The following FAF1 variants were observed in gnomAD, a reference collection of about 807,000 sequenced individuals.
FAF1 encodes Fas associated factor 1.
In FAF1, 25 loss-of-function variants were observed where a neutral mutation model predicts 92.5. The ratio of observed to expected loss-of-function variants is 0.27; its 90% CI spans 0.20 to 0.38. The LOEUF (loss-of-function observed/expected upper bound fraction) is 0.38. Among genes scored for constraint, FAF1 ranks in the 10% least tolerant of loss-of-function variants. FAF1 has a pLI of 1.00. For synonymous variants in FAF1, 234 were observed against 273.2 expected (o/e 0.86, Z 1.42); for missense variants, 636 against 793.3 (o/e 0.80, Z 2.38).
In FAF1 at chr1:50,909,120, T is replaced by C. The variant is rs895333964; in HGVS notation, c.45+50647A>G. On this transcript the variant is annotated intron_variant, in intron 1 of 18. Transcript: ENST00000396153. Reference sequence around the variant, plus strand: ...GCTTGTCTGTAAGGGATTTTATTTCTCCTACACTTATGAAGCTTAGTTTGG... The same window carrying C: ...GCTTGTCTGTAAGGGATTTTATTTCCCCTACACTTATGAAGCTTAGTTTGG... 6.6e-5 allele frequency among the ~76,000 whole-genome samples: 10 copies of C among 152,340 alleles called. No homozygotes were observed. In the East Asian group the frequency reaches 1.5e-3, roughly 24 times the overall value.
At chr1:50,783,695 G>A (rs1353955926) in intron 4 of FAF1, among the ~76,000 whole-genome samples, 5 of 152,008 alleles carry the variant, frequency 3.3e-5, no homozygotes, top group East Asian at 3.9e-4. Context: ...CCAACATGAC[G>A]AAACCCCATC....
At chr1:50,883,505 A>G (rs2124691060) in intron 1 of FAF1, among the ~76,000 whole-genome samples, 1 of 152,324 alleles carries the variant, frequency 6.6e-6, no homozygotes, top group South Asian at 2.1e-4. Context: ...TCAAGCCTCT[A>G]GACTTAAAGG....
intron 8 of FAF1, among the ~76,000 whole-genome samples, chr1:50,605,357 C>T (rs1311869555): frequency 6.6e-6 from 1 of 152,144 alleles, no homozygotes; most frequent in Non-Finnish European, 1.5e-5. Flanking sequence ...TTCTGAAGAG[C>T]ATTAAGTTAC....
At chr1:50,512,825 C>G (rs1198090415) in intron 15 of FAF1, among the ~76,000 whole-genome samples, 1 of 152,226 alleles carries the variant, frequency 6.6e-6, no homozygotes, top group Non-Finnish European at 1.5e-5. Flanking sequence ...TTACTTTGGG[C>G]AGTATGGCCA....
chr1:50,581,835 A>AT (rs1650998071), intron 12 of FAF1, among the ~76,000 whole-genome samples: 1 of 152,164 alleles, frequency 6.6e-6, no homozygotes, highest in Admixed American at 6.5e-5. Context: ...TGCCAGATTT[A>AT]TTTATTAAGT....
intron 13 of FAF1, 47 bp downstream of exon 13, chr1:50,567,030 T>C (rs1650206744): frequency 1.4e-6 from 2 of 1,410,596 alleles, no homozygotes; most frequent in South Asian, 1.6e-5. Flanking sequence ...ACAATGATTT[T>C]TTTTTTAATA....
chr1:50,655,041 G>T (rs1403895382), intron 8 of FAF1, among the ~76,000 whole-genome samples: 1 of 151,374 alleles, frequency 6.6e-6, no homozygotes, highest in East Asian at 1.9e-4. Context: ...CGCAATCTCG[G>T]CTCACTGCAA....
chr1:50,540,418 T>A (rs1441311343), intron 13 of FAF1, among the ~76,000 whole-genome samples: 1 of 152,174 alleles, frequency 6.6e-6, no homozygotes, highest in Middle Eastern at 3.2e-3. Context: ...AAAAACAGAA[T>A]TTAGCAACGT....
chr1:50,519,415 A>AGAAG (rs144253773), intron 15 of FAF1, among the ~76,000 whole-genome samples: 1,191 of 90,204 alleles, frequency 0.013, 30 homozygotes, highest in African/African-American at 0.049. Context: ...AGGGAGGGAG[A>AGAAG]GAAGGAAGGA....
At chr1:50,642,353 T>C in intron 8 of FAF1, among the ~76,000 whole-genome samples, 1 of 152,092 alleles carries the variant, frequency 6.6e-6, no homozygotes, top group East Asian at 1.9e-4. Context: ...TGTTCTCATT[T>C]AAAATATAAT....
intron 15 of FAF1, among the ~76,000 whole-genome samples, chr1:50,512,939 G>C (rs1169420258): frequency 6.6e-6 from 1 of 152,112 alleles, no homozygotes; most frequent in African/African-American, 2.4e-5. Context: ...GTCCATAAGT[G>C]CTTAGTCTGC....
At chr1:50,562,908 A>G (rs1195366436) in intron 13 of FAF1, among the ~76,000 whole-genome samples, 1 of 152,262 alleles carries the variant, frequency 6.6e-6, no homozygotes, top group Admixed American at 6.5e-5. Flanking sequence ...TATCAAAAAT[A>G]TTCAGAAAAA....
chr1:50,833,902 C>T (rs113582845), intron 2 of FAF1, among the ~76,000 whole-genome samples: 2,127 of 152,292 alleles, frequency 0.014, 47 homozygotes, highest in African/African-American at 0.047. Flanking sequence ...ACATTCCAGG[C>T]GCTCATGAAA....
Position 50,751,333 on chromosome 1 carries a change from TTTGA to T in FAF1, c.368-6562_368-6559del, listed in dbSNP as rs1241589790. 4.6e-5 allele frequency among the ~76,000 whole-genome samples: 7 copies of T among 151,966 alleles called. No individual in the cohort carries two copies. The East Asian group carries it at 5.8e-4, about 13-fold the overall frequency. On this transcript the variant is annotated intron_variant, in intron 4 of 18. Transcript: ENST00000396153. ...CAGCACTATTCAGCATTTCTATTTG[TTTGA>T]TTGTTTGTTTGTTTTGAGATGGAGT...
chr1:50,799,696 C>A (rs72902772), intron 3 of FAF1, among the ~76,000 whole-genome samples: 2 of 152,014 alleles, frequency 1.3e-5, no homozygotes, highest in Non-Finnish European at 2.9e-5. Flanking sequence ...GTATTTGATA[C>A]CTCCTTTCTT....
chr1:50,789,361 A>G (rs1035084446), intron 3 of FAF1, among the ~76,000 whole-genome samples: 3 of 152,280 alleles, frequency 2.0e-5, no homozygotes, highest in Non-Finnish European at 4.4e-5. Flanking sequence ...ACTTAGTAAG[A>G]TCCCGGACCC....
intron 1 of FAF1, among the ~76,000 whole-genome samples, chr1:50,938,500 C>T (rs1156334902): frequency 2.0e-5 from 3 of 152,202 alleles, no homozygotes; most frequent in Admixed American, 2.0e-4. Flanking sequence ...CATAGACTTG[C>T]AAATATTTTC....
intron 2 of FAF1, among the ~76,000 whole-genome samples, chr1:50,843,892 T>C (rs1232143608): frequency 1.3e-5 from 2 of 152,184 alleles, no homozygotes; most frequent in African/African-American, 4.8e-5. Context: ...ATTTTGAATA[T>C]ATACCCAGCT....
Position 50,738,923 on chromosome 1 carries a change from T to G in FAF1, c.491A>C (p.Asn164Thr). 6.2e-7 allele frequency: 1 copy of G among 1,608,482 alleles called. No homozygotes were observed. The highest frequency in any genetic ancestry group is 8.5e-7 in the Non-Finnish European group (1 of 1,176,728). ...TGGTGTAAGGACATAAAGACTGTTG[T>G]TTTTTGGCAAGTGTAGAGATTTTAG... The part of the protein sequence containing the change: ...TVLKSLHLPK[N>T]NSLYVLTPDL... Residue 164 changes from asparagine to threonine, a missense_variant, in exon 6 of 19, where the codon AAC becomes ACC. Around this residue, in one of 2 missense-constraint regions of FAF1, gnomAD observed 317 missense variants for 342.4 expected, o/e 0.93. Transcript: ENST00000396153.
Sources: gnomAD v4.1 joint callset for allele counts (sites outside exome capture counted in the v4.1 genomes callset) on GRCh38, gnomAD v4.1.1 for gene constraint, gnomAD v4.1.1 regional missense constraint, MANE v1.5 for transcripts, NCBI Gene and HGNC (gene_info 2026-07-23, HGNC 2026-07-21) for gene names.